Variants in SPOCK3 observed in about 807,000 individuals in gnomAD.
SPOCK3 encodes SPARC (osteonectin), cwcv and kazal like domains proteoglycan 3.
Under a neutral mutation model 56.6 loss-of-function variants are expected in SPOCK3, and 30 were observed. The ratio of observed to expected loss-of-function variants is 0.53; its 90% CI spans 0.40 to 0.72. The LOEUF (loss-of-function observed/expected upper bound fraction) is 0.72, where lower values mean the gene tolerates loss of function less well. Ranked by LOEUF, SPOCK3 falls within the 30% of genes least tolerant of loss-of-function variation. SPOCK3 has a pLI of 0.00. For synonymous variants in SPOCK3, 196 were observed against 183.3 expected, an observed-to-expected ratio of 1.07 and a Z score of -0.56; for missense variants, 527 against 530.0, an observed-to-expected ratio of 0.99 and a Z score of 0.06.
chr4:166,752,648 G>A (rs1736571417), intron 8 of SPOCK3, among the ~76,000 whole-genome samples: 1 of 148,916 alleles, frequency 6.7e-6, no homozygotes, highest in African/African-American at 2.5e-5. Flanking sequence ...AGAATTTCAG[G>A]AAAATATTCT....
chr4:166,800,205 A>AAAAAAAAAAAAAAAAAAAAAAAAAC (rs1742428753), intron 6 of SPOCK3, among the ~76,000 whole-genome samples: 1 of 147,004 alleles, frequency 6.8e-6, no homozygotes, highest in African/African-American at 2.6e-5. Flanking sequence ...AAAAAAAAAA[A>AAAAAAAAAAAAAAAAAAAAAAAAAC]ATGAAAACAT....
intron 3 of SPOCK3, among the ~76,000 whole-genome samples, chr4:167,055,341 A>G: frequency 6.6e-6 from 1 of 152,198 alleles, no homozygotes; most frequent in Non-Finnish European, 1.5e-5. Flanking sequence ...CCAAATAGGA[A>G]CAGCTCCGGT....
intron 6 of SPOCK3, among the ~76,000 whole-genome samples, chr4:166,836,211 T>C (rs189152114): frequency 1.3e-3 from 196 of 152,304 alleles, no homozygotes; most frequent in African/African-American, 4.5e-3. Context: ...CTTTAGCTAA[T>C]TATAGTACCC....
At chr4:166,822,897 TCA>T (rs1454025450) in intron 6 of SPOCK3, among the ~76,000 whole-genome samples, 1 of 152,042 alleles carries the variant, frequency 6.6e-6, no homozygotes, top group African/African-American at 2.4e-5. Context: ...TGAGAGAAGC[TCA>T]CATTTTTTCT....
At chr4:166,848,880 A>C (rs916651312) in intron 6 of SPOCK3, among the ~76,000 whole-genome samples, 10 of 152,142 alleles carry the variant, frequency 6.6e-5, no homozygotes, top group African/African-American at 2.4e-4. Flanking sequence ...CACATGGATA[A>C]TTTTGTTTAC....
chr4:167,054,246 C>T (rs767229609), intron 3 of SPOCK3, among the ~76,000 whole-genome samples: 5 of 152,202 alleles, frequency 3.3e-5, no homozygotes, highest in Admixed American at 6.5e-5. Flanking sequence ...GTATCCGTTA[C>T]ACACCAATAT....
intron 6 of SPOCK3, among the ~76,000 whole-genome samples, chr4:166,836,596 C>A (rs907307428): frequency 3.9e-5 from 6 of 152,170 alleles, no homozygotes; most frequent in Admixed American, 3.9e-4. Flanking sequence ...GTGGCAGTTC[C>A]ATTTCCTAGG....
intron 3 of SPOCK3, among the ~76,000 whole-genome samples, chr4:167,051,862 G>A (rs1020937512): frequency 2.0e-5 from 3 of 152,084 alleles, no homozygotes; most frequent in Non-Finnish European, 2.9e-5. Flanking sequence ...AGTCAGGGTC[G>A]GCTTGTGAAG....
intron 2 of SPOCK3, among the ~76,000 whole-genome samples, chr4:167,134,910 T>G (rs1209383428): frequency 6.6e-6 from 1 of 151,994 alleles, no homozygotes; most frequent in Non-Finnish European, 1.5e-5. Context: ...GTTTTCTTAG[T>G]GCATTGGTCA....
At chr4:166,860,802 CAT>C in intron 6 of SPOCK3, among the ~76,000 whole-genome samples, 37 of 101,928 alleles carry the variant, frequency 3.6e-4, no homozygotes, top group African/African-American at 7.6e-4. Context: ...CACACAAATT[CAT>C]ATATATATAT....
chr4:166,940,170 G>T (rs1292330562), intron 4 of SPOCK3, among the ~76,000 whole-genome samples: 1 of 152,148 alleles, frequency 6.6e-6, no homozygotes, highest in Non-Finnish European at 1.5e-5. Flanking sequence ...ATCTAGGAAT[G>T]ATTTTCAAGA....
At chr4:167,126,315 A>G (rs1266036707) in intron 2 of SPOCK3, among the ~76,000 whole-genome samples, 2 of 152,184 alleles carry the variant, frequency 1.3e-5, no homozygotes, top group Non-Finnish European at 1.5e-5. Context: ...TGGGAGGCCA[A>G]GGTGGGTGGA....
intron 3 of SPOCK3, among the ~76,000 whole-genome samples, chr4:167,026,464 C>G (rs1751704727): frequency 6.6e-6 from 1 of 152,052 alleles, no homozygotes; most frequent in African/African-American, 2.4e-5. Context: ...GAAGTTCTCT[C>G]TGAGACAGAG....
At chr4:167,005,367 G>A (rs370656630) in intron 3 of SPOCK3, among the ~76,000 whole-genome samples, 2 of 151,590 alleles carry the variant, frequency 1.3e-5, no homozygotes, top group Admixed American at 6.6e-5. Flanking sequence ...CCACCACCAC[G>A]CCTGGCTAAT....
At chr4:166,970,765 T>G (rs1053133370) in intron 4 of SPOCK3, among the ~76,000 whole-genome samples, 16 of 151,226 alleles carry the variant, frequency 1.1e-4, no homozygotes, top group African/African-American at 3.9e-4. Context: ...ACACAGGACT[T>G]GATCACTTAT....
Position 167,148,183 on chromosome 4 carries a change from G to A in SPOCK3, c.190-85646C>T, listed in dbSNP as rs1473916490. On this transcript the variant is annotated intron_variant, in intron 2 of 10. Coordinates refer to ENST00000357545, the MANE Select transcript of SPOCK3 (RefSeq NM_001040159.2). ...TCCAGGGGATCTTTGCCAATATCAC[G>A]AGACATTTTTGATTGTCACAATTTA... Among the ~76,000 whole-genome samples, 13 of 152,044 alleles carry A rather than the reference G, an allele frequency of 8.6e-5. No individual in the cohort carries two copies. In the South Asian group the frequency reaches 2.5e-3, roughly 29 times the overall value.
chr4:166,754,907 A>G (rs1312815526), intron 7 of SPOCK3, among the ~76,000 whole-genome samples, 178 bp from the exon 8 acceptor site: 1 of 152,116 alleles, frequency 6.6e-6, no homozygotes, highest in Non-Finnish European at 1.5e-5. Flanking sequence ...AGTAGTATCT[A>G]CATTTCAGGA....
At position 166,902,720 on chromosome 4, in the gene SPOCK3, C is replaced by T. The variant is rs149652092; in HGVS notation, c.474+9900G>A. 7.8e-3 allele frequency among the ~76,000 whole-genome samples: 1,179 copies of T among 151,462 alleles called. 11 individuals are homozygous for T. The highest frequency in any genetic ancestry group is 0.026 in the African/African-American group (1,092 of 41,418). On this transcript the variant is annotated intron_variant, in intron 5 of 10. Transcript: ENST00000357545. ...ACTCACATATATATAAGTTATAGTT[C>T]ATTATCTTGATTGAAGTTCATCTAA...
At chr4:167,086,277 A>G (rs913605916) in intron 2 of SPOCK3, among the ~76,000 whole-genome samples, 2 of 152,110 alleles carry the variant, frequency 1.3e-5, no homozygotes, top group African/African-American at 4.8e-5. Flanking sequence ...TGCAAAATGA[A>G]CCACATTTTA....
Sources: allele counts gnomAD v4.1 joint callset (sites outside exome capture counted in the v4.1 genomes callset), GRCh38; gene constraint gnomAD v4.1.1; transcripts MANE v1.5; gene names NCBI Gene and HGNC (gene_info 2026-07-23, HGNC 2026-07-21).